The following ME3 variants were observed in gnomAD, a reference collection of about 807,000 sequenced individuals.
ME3 encodes NADP-dependent malic enzyme, mitochondrial.
ME3 carries 48 observed loss-of-function variants against 68.9 expected under a neutral mutation model. That is an observed-to-expected ratio of 0.70 (90% CI 0.55 to 0.89). ME3 has a LOEUF of 0.89. ME3 is among the 40% of genes least tolerant of loss of function. The probability of loss-of-function intolerance (pLI) is 0.00; values close to 1 mark genes in which losing one functional copy is unlikely to be tolerated. For synonymous variants in ME3, 320 were observed against 318.8 expected (o/e 1.00, Z -0.04); for missense variants, 675 against 797.4 (o/e 0.85, Z 1.85).
chr11:86,537,193 G>C (rs539859553), intron 4 of ME3, among the ~76,000 whole-genome samples: 1 of 150,906 alleles, frequency 6.6e-6, no homozygotes, highest in African/African-American at 2.4e-5. Flanking sequence ...GCTAGATGAC[G>C]AGTTAGTGGG....
chr11:86,609,758 A>T (rs1320973092), intron 2 of ME3, among the ~76,000 whole-genome samples: 1 of 152,252 alleles, frequency 6.6e-6, no homozygotes, highest in Non-Finnish European at 1.5e-5. Flanking sequence ...GGAACAACTT[A>T]AATGTTCTTC....
At chr11:86,488,040 C>T (rs962940992) in intron 6 of ME3, among the ~76,000 whole-genome samples, 1 of 152,158 alleles carries the variant, frequency 6.6e-6, no homozygotes, top group Non-Finnish European at 1.5e-5. Context: ...ATTAGCTGGG[C>T]ATGGTGGTGT....
At chr11:86,633,291 G>A (rs1042697510) in intron 2 of ME3, among the ~76,000 whole-genome samples, 1 of 152,214 alleles carries the variant, frequency 6.6e-6, no homozygotes, top group African/African-American at 2.4e-5. Context: ...CCTGGGCTTT[G>A]TGTGTTTTGA....
chr11:86,450,027 T>A, intron 9 of ME3, 25 bp from the exon 10 acceptor site: 1 of 1,543,986 alleles, frequency 6.5e-7, no homozygotes, highest in South Asian at 1.1e-5. Context: ...AGGGTAGATG[T>A]TCAGACACAG....
At chr11:86,462,665 G>T in intron 8 of ME3, 1 of 1,150,546 alleles carries the variant, frequency 8.7e-7, no homozygotes, top group Non-Finnish European at 1.2e-6. Context: ...TGTAGCAGGC[G>T]CGGTGCTGGG....
chr11:86,590,519 T>A (rs1467350353), intron 2 of ME3, among the ~76,000 whole-genome samples: 1 of 152,150 alleles, frequency 6.6e-6, no homozygotes, highest in Non-Finnish European at 1.5e-5. Flanking sequence ...GGACAGTTGC[T>A]TTCAAAGCTG....
chr11:86,459,435 G>T (rs1284106067), intron 8 of ME3, among the ~76,000 whole-genome samples: 3 of 152,082 alleles, frequency 2.0e-5, no homozygotes, highest in African/African-American at 7.2e-5. Context: ...TATAGTAATA[G>T]GTACCATGAA....
intron 3 of ME3, among the ~76,000 whole-genome samples, chr11:86,557,133 A>G (rs1228689295): frequency 6.6e-6 from 1 of 152,182 alleles, no homozygotes; most frequent in African/African-American, 2.4e-5. Flanking sequence ...ACATTAATGA[A>G]TGACAATAGC....
chr11:86,641,371 C>T (rs1944664475), intron 2 of ME3, among the ~76,000 whole-genome samples: 1 of 152,178 alleles, frequency 6.6e-6, no homozygotes, highest in Non-Finnish European at 1.5e-5. Context: ...ATGGGAACTG[C>T]ACTTCAGAGG....
chr11:86,672,185 A>G, intron 1 of ME3, 139 bp downstream of exon 1: 2 of 432,680 alleles, frequency 4.6e-6, no homozygotes, highest in Admixed American at 9.0e-5. Context: ...CAAGCCCTGG[A>G]AGCAGATCCG....
At chr11:86,565,215 C>G (rs60479132) in intron 2 of ME3, among the ~76,000 whole-genome samples, 1 of 151,788 alleles carries the variant, frequency 6.6e-6, no homozygotes, top group Admixed American at 6.6e-5. Context: ...ACACACACAC[C>G]CCCCCTAGGA....
chr11:86,506,321 A>T lies in ME3; in HGVS notation c.543+2471T>A, dbSNP rs557873385. Among the ~76,000 whole-genome samples, 3 of 152,252 alleles carry T rather than the reference A, an allele frequency of 2.0e-5. No individual in the cohort carries two copies. In the East Asian group the frequency reaches 5.8e-4, roughly 29 times the overall value. On this transcript the variant is annotated intron_variant, in intron 5 of 14. Coordinates refer to ENST00000543262, the Ensembl canonical transcript of ME3. ...ATTCAGTATTTAGAAGGTTCTCAAA[A>T]TATGTTTATTGAAGTCAATAGATAT...
intron 6 of ME3, among the ~76,000 whole-genome samples, chr11:86,494,930 TTATG>T (rs1182351376): frequency 6.6e-6 from 1 of 152,184 alleles, no homozygotes; most frequent in Non-Finnish European, 1.5e-5. Context: ...ATAACTATCT[TTATG>T]TATAGGCATA....
At chr11:86,635,837 G>T (rs1944299879) in intron 2 of ME3, among the ~76,000 whole-genome samples, 1 of 152,200 alleles carries the variant, frequency 6.6e-6, no homozygotes, top group Admixed American at 6.5e-5. Context: ...ACTCAGTGAT[G>T]TTGATACTCA....
At chr11:86,651,450 C>A (rs575697662) in intron 2 of ME3, among the ~76,000 whole-genome samples, 22 of 152,348 alleles carry the variant, frequency 1.4e-4, no homozygotes, top group African/African-American at 5.3e-4. Flanking sequence ...ATCCGCTGTT[C>A]TGCAGCCTCT....
At position 86,671,734 on chromosome 11, in the gene ME3, CGGGCCGTCCTGCCCTCTGGCCCA is replaced by C; in HGVS notation, c.183+5_183+27del. The C allele has an allele frequency of 2.5e-6, 4 of 1,593,456 alleles. No individual in the cohort carries two copies. The highest frequency in any genetic ancestry group is 3.4e-6 in the Non-Finnish European group (4 of 1,171,476). On this transcript the variant is annotated splice_donor_5th_base_variant and intron_variant, in intron 2 of 14. Transcript: ENST00000543262. ...TTCCGGCAGCCACGGGATCGCAACG[CGGGCCGTCCTGCCCTCTGGCCCA>C]TTACCTTGTTGAGATGAGGGTTCCT...
chr11:86,559,968 A>C (rs1251775907), intron 2 of ME3, 145 bp from the exon 3 acceptor site: 1 of 823,736 alleles, frequency 1.2e-6, no homozygotes, highest in East Asian at 3.0e-5. Context: ...CTGCTATTAA[A>C]GTAGGAGGGT....
intron 8 of ME3, 137 bp from the exon 9 acceptor site, chr11:86,450,535 G>A: frequency 1.6e-6 from 1 of 621,046 alleles, no homozygotes; most frequent in Non-Finnish European, 2.8e-6. Context: ...CTGTAGGCAT[G>A]CAAGTTTTGG....
intron 4 of ME3, among the ~76,000 whole-genome samples, chr11:86,542,341 G>A (rs1350838013): frequency 6.6e-6 from 1 of 152,168 alleles, no homozygotes; most frequent in Non-Finnish European, 1.5e-5. Context: ...CAGAAGGTGG[G>A]TAATAACAAA....
Sources: allele counts gnomAD v4.1 joint callset (sites outside exome capture counted in the v4.1 genomes callset), GRCh38; gene constraint gnomAD v4.1.1; transcripts MANE v1.5; gene names NCBI Gene and HGNC (gene_info 2026-07-23, HGNC 2026-07-21).